Variants in ARHGAP24 observed in about 807,000 individuals in gnomAD.
ARHGAP24 encodes the protein rho GTPase-activating protein 24.
In ARHGAP24, 50 loss-of-function variants were observed where a neutral mutation model predicts 76.4. The ratio of observed to expected loss-of-function variants is 0.65; its 90% CI spans 0.52 to 0.83. ARHGAP24 has a LOEUF of 0.83. Ranked by LOEUF, ARHGAP24 falls within the 40% of genes least tolerant of loss-of-function variation. ARHGAP24 has a pLI of 0.00. For synonymous variants in ARHGAP24, 345 were observed against 323.3 expected, an observed-to-expected ratio of 1.07 and a Z score of -0.72; for missense variants, 930 against 914.2, an observed-to-expected ratio of 1.02 and a Z score of -0.22.
At chr4:85,687,315 G>C (rs1329705262) in intron 2 of ARHGAP24, among the ~76,000 whole-genome samples, 1 of 152,058 alleles carries the variant, frequency 6.6e-6, no homozygotes, top group East Asian at 1.9e-4. Context: ...TACATGTGCA[G>C]GTTTGCTCCA....
rs1736979242 is a variant in ARHGAP24, at chr4:85,942,066, G to C, written c.392G>C (p.Gly131Ala). ...TTTACTGTGATCCTTTTTTTTTAAG[G>C]CATTTTTGGACAGAAACTGGAGGAT... ...RRVIWGPFGG[G>A]IFGQKLEDTV... The change falls in exon 5 of 10, where the codon GGC (glycine) becomes GCC (alanine). Residue 131 changes from glycine (G) to alanine (A), a missense_variant and splice_region_variant. Transcript: ENST00000395184. 1 of 1,611,906 alleles carries C rather than the reference G, an allele frequency of 6.2e-7. No individual in the cohort carries two copies. The highest frequency in any genetic ancestry group is 1.3e-5 in the African/African-American group (1 of 74,718).
chr4:85,760,235 G>A (rs568016556), intron 3 of ARHGAP24, among the ~76,000 whole-genome samples: 1 of 152,158 alleles, frequency 6.6e-6, no homozygotes, highest in South Asian at 2.1e-4. Flanking sequence ...AACTGGTTCA[G>A]GATTACATTA....
At chr4:85,580,230 T>A (rs780356601) in intron 2 of ARHGAP24, among the ~76,000 whole-genome samples, 1 of 152,082 alleles carries the variant, frequency 6.6e-6, no homozygotes, top group East Asian at 1.9e-4. Context: ...TTGAAGTCTC[T>A]GTTACTGAGA....
chr4:85,485,026 C>A (rs79118307), intron 1 of ARHGAP24, among the ~76,000 whole-genome samples: 1 of 151,876 alleles, frequency 6.6e-6, no homozygotes, highest in Non-Finnish European at 1.5e-5. Flanking sequence ...TGAAGGTGTT[C>A]TTTTTTGTTT....
intron 1 of ARHGAP24, among the ~76,000 whole-genome samples, chr4:85,506,769 C>A (rs1308083886): frequency 6.6e-6 from 1 of 152,122 alleles, no homozygotes. Context: ...CCAACCAGCC[C>A]CAGTGAGATG....
At chr4:85,492,894 A>C (rs1723414665) in intron 1 of ARHGAP24, among the ~76,000 whole-genome samples, 1 of 152,110 alleles carries the variant, frequency 6.6e-6, no homozygotes, top group Non-Finnish European at 1.5e-5. Context: ...CTTTTTCTAG[A>C]GTAAGAGACA....
chr4:85,790,004 T>C (rs1217092575), intron 3 of ARHGAP24, among the ~76,000 whole-genome samples: 2 of 152,216 alleles, frequency 1.3e-5, no homozygotes, highest in Admixed American at 6.5e-5. Context: ...TAAAGCTGTG[T>C]ACATTACAAT....
chr4:86,000,721 G>A lies in ARHGAP24; in HGVS notation c.2246G>A (p.Ter749=), dbSNP rs1740972282. Residue 749 remains the stop codon, a stop_retained_variant, in exon 10 of 10, where the codon TGA becomes TAA. Transcript: ENST00000395184. ...TERGNTIWIQ[*] is the part of the protein sequence containing the mutation. The stretch of plus-strand genomic sequence containing the variant: ...AGAGGAAACACAATATGGATTCAGT[G>A]AGCCTGCTTTCGCCTGCTGTCTCTG... 1.2e-6 allele frequency: 2 copies of A among 1,613,810 alleles called. No individual in the cohort carries two copies. Among genetic ancestry groups the A allele is most frequent in the South Asian group, 2.2e-5 (2 of 91,066 alleles).
intron 4 of ARHGAP24, among the ~76,000 whole-genome samples, chr4:85,925,505 A>G (rs1051794560): frequency 3.3e-5 from 5 of 152,216 alleles, no homozygotes; most frequent in African/African-American, 1.2e-4. Flanking sequence ...AGAAAAAAAA[A>G]GTTGTATGCT....
intron 1 of ARHGAP24, among the ~76,000 whole-genome samples, chr4:85,492,573 GA>G (rs1723402316): frequency 6.6e-6 from 1 of 152,112 alleles, no homozygotes; most frequent in South Asian, 2.1e-4. Context: ...TTTAAATGGG[GA>G]TAATTGCCAA....
In ARHGAP24 at chr4:85,860,078, G is replaced by A. The variant is rs991997783; in HGVS notation, c.269-63570G>A. Among the ~76,000 whole-genome samples the A allele has an allele frequency of 7.2e-5, 11 of 152,176 alleles. No homozygotes were observed. In the South Asian group the frequency reaches 2.3e-3, roughly 32 times the overall value. ...ATTATAAAAACATGCAGATGCTCAC[G>A]TCCAGTGAATCAGAACAATTGATTT... On this transcript the variant is annotated intron_variant, in intron 3 of 9. Transcript: ENST00000395184.
At chr4:85,917,325 G>C (rs1028265353) in intron 3 of ARHGAP24, among the ~76,000 whole-genome samples, 3 of 152,010 alleles carry the variant, frequency 2.0e-5, no homozygotes, top group Admixed American at 2.0e-4. Context: ...TTGAACATCT[G>C]GGTTGGTTCC....
rs375496622 is a variant in ARHGAP24 at position 85,595,663 on chromosome 4, A to G, written c.180+24942A>G. Among the ~76,000 whole-genome samples, 79 of 152,248 alleles carry G rather than the reference A, an allele frequency of 5.2e-4. No homozygotes were observed. The South Asian group carries it at 0.015, about 30-fold the overall frequency. Reference sequence around the variant, plus strand: ...TACAAATAAGACTTATGAAACAAGTATAAGATAAGAAGGGGGAAAATGAAA... The same window carrying G: ...TACAAATAAGACTTATGAAACAAGTGTAAGATAAGAAGGGGGAAAATGAAA... On this transcript the variant is annotated intron_variant, in intron 2 of 9. Transcript: ENST00000395184.
At chr4:85,772,522 C>T (rs764715836) in intron 3 of ARHGAP24, among the ~76,000 whole-genome samples, 2 of 152,194 alleles carry the variant, frequency 1.3e-5, no homozygotes, top group East Asian at 1.9e-4. Flanking sequence ...AGCCTTCAAA[C>T]TCCATGTAGC....
intron 5 of ARHGAP24, among the ~76,000 whole-genome samples, chr4:85,960,156 A>G (rs77921465): frequency 0.012 from 1,880 of 152,274 alleles, 38 homozygotes; most frequent in African/African-American, 0.042. Flanking sequence ...TTCTTAACAT[A>G]TTGCACTTGA....
intron 3 of ARHGAP24, chr4:85,778,996 G>A: frequency 7.1e-6 from 7 of 985,334 alleles, no homozygotes; most frequent in Non-Finnish European, 8.4e-6. Context: ...AATCTTCAGG[G>A]TTCATTTGTT....
intron 2 of ARHGAP24, among the ~76,000 whole-genome samples, chr4:85,635,189 G>T (rs1271731707): frequency 6.6e-6 from 1 of 151,712 alleles, no homozygotes; most frequent in Non-Finnish European, 1.5e-5. Flanking sequence ...TCAAAACTTT[G>T]TTGGGGAAAA....
chr4:85,824,178 G>T (rs1261941961), intron 3 of ARHGAP24, among the ~76,000 whole-genome samples: 1 of 152,112 alleles, frequency 6.6e-6, no homozygotes, highest in Non-Finnish European at 1.5e-5. Context: ...TACATAAGAT[G>T]GTTGCTAAAA....
intron 3 of ARHGAP24, among the ~76,000 whole-genome samples, chr4:85,839,392 G>T (rs1730463793): frequency 6.6e-6 from 1 of 152,116 alleles, no homozygotes; most frequent in Non-Finnish European, 1.5e-5. Flanking sequence ...TGTTCACACA[G>T]AACTTCTTTA....
Sources: allele counts gnomAD v4.1 joint callset (sites outside exome capture counted in the v4.1 genomes callset), GRCh38; gene constraint gnomAD v4.1.1; transcripts MANE v1.5; gene names NCBI Gene and HGNC (gene_info 2026-07-23, HGNC 2026-07-21).